Variants in HR observed in about 807,000 individuals in gnomAD.
HR encodes HR lysine demethylase and nuclear receptor corepressor.
In HR, 83 loss-of-function variants were observed where a neutral mutation model predicts 128.6. The observed-to-expected ratio is 0.65, with a 90% CI of 0.54 to 0.77. The LOEUF (loss-of-function observed/expected upper bound fraction) is 0.77. Ranked by LOEUF, HR falls within the 30% of genes least tolerant of loss-of-function variation. The probability of loss-of-function intolerance (pLI) is 0.00; values close to 1 mark genes in which losing one functional copy is unlikely to be tolerated. For synonymous variants in HR, 681 were observed against 658.2 expected (o/e 1.03, Z -0.53); for missense variants, 1,490 against 1,574.6 (o/e 0.95, Z 0.91).
chr8:22,126,166 C>A (rs1435817676), intron 3 of HR, among the ~76,000 whole-genome samples: 1 of 152,208 alleles, frequency 6.6e-6, no homozygotes, highest in Non-Finnish European at 1.5e-5. Flanking sequence ...TCGACACAGG[C>A]CACAGGTGCA....
intron 5 of HR, 78 bp downstream of exon 5, chr8:22,125,233 G>C: frequency 2.1e-6 from 3 of 1,447,780 alleles, no homozygotes; most frequent in South Asian, 2.5e-5. Context: ...GGAGCTGGCA[G>C]TGTGGGTGGG....
rs1826715179 is a variant in HR at position 22,120,516 on chromosome 8, G to A, written c.2611-9C>T. ...CCTGACACCAACACAGGCTGTGGTG[G>A]GAAAGGAAGGAGGCCATGAGGAGAA... On this transcript the variant is annotated splice_polypyrimidine_tract_variant and intron_variant, in intron 11 of 18. Coordinates refer to ENST00000381418, the MANE Select transcript of HR (RefSeq NM_005144.5). 6.2e-7 allele frequency: 1 copy of A among 1,613,556 alleles called. No individual in the cohort carries two copies. Among genetic ancestry groups the A allele is most frequent in the African/African-American group, 1.3e-5 (1 of 75,054 alleles).
chr8:22,120,341 C>T lies in HR; in HGVS notation c.2776+1G>A, dbSNP rs773764015. ...CTCTCCCCTGTGTTGGGGACACTTA[C>T]GCTCAGGCCAGGAGAAGCCCTCCCA... is the stretch of plus-strand genomic sequence containing the variant. On this transcript the variant is annotated splice_donor_variant, in intron 12 of 18. Coordinates refer to ENST00000381418, the MANE Select transcript of HR (RefSeq NM_005144.5). LOFTEE classifies it high-confidence loss of function. The T allele has an allele frequency of 1.2e-6, 2 of 1,613,664 alleles. No individual in the cohort carries two copies. Among genetic ancestry groups the T allele is most frequent in the African/African-American group, 1.3e-5 (1 of 74,924 alleles).
chr8:22,130,079 A>G (rs1827010964), intron 1 of HR, among the ~76,000 whole-genome samples: 1 of 152,164 alleles, frequency 6.6e-6, no homozygotes, highest in Non-Finnish European at 1.5e-5. Context: ...AGGCGGGGAA[A>G]GCGGGCTGGG....
intron 8 of HR, among the ~76,000 whole-genome samples, 174 bp downstream of exon 8, chr8:22,122,319 G>A (rs555966303): frequency 3.3e-5 from 5 of 152,232 alleles, no homozygotes; most frequent in African/African-American, 1.2e-4. Context: ...CATGGAGGTG[G>A]GAGGGGCCAG....
chr8:22,122,860 C>A lies in HR; in HGVS notation c.1935G>T (p.Ala645=). The change falls in exon 7 of 19, where the codon GCG becomes GCT. Residue 645 remains alanine (A), a synonymous_variant. Coordinates refer to ENST00000381418, the MANE Select transcript of HR (RefSeq NM_005144.5). ...REKAGFQEQS[A]EECTQEAGHA... The stretch of plus-strand genomic sequence containing the variant: ...GCCCGGCCTCCTGCGTGCACTCCTC[C>A]GCGGACTGCTCCTGAAAGCCTGTGG... 1 of 1,554,132 alleles carries A rather than the reference C, an allele frequency of 6.4e-7. No homozygotes were observed. The highest frequency in any genetic ancestry group is 1.7e-4 in the Middle Eastern group (1 of 5,932).
Position 22,119,061 on chromosome 8 carries a change from G to T in HR, c.3102C>A (p.Phe1034Leu). 6.2e-7 allele frequency: 1 copy of T among 1,613,432 alleles called. No homozygotes were observed. Among genetic ancestry groups the T allele is most frequent in the South Asian group, 1.1e-5 (1 of 91,084 alleles). ...LPAWHRAQKD[F>L]LSGLDGEGLW... ...GCCCCTCCCCGTCCAGGCCTGAAAG[G>T]AAGTCTGAGGAGGAAAGAGCGCTCA... is the stretch of plus-strand genomic sequence containing the variant. The change falls in exon 16 of 19, where the codon TTC (phenylalanine) becomes TTA (leucine). Residue 1034 changes from phenylalanine to leucine, a missense_variant. Physicochemically the swap from Phe to Leu is conservative, Grantham distance 22. Transcript: ENST00000381418.
rs1258509571 is a variant in HR, at chr8:22,127,688, C to G, written c.754G>C (p.Asp252His). The G allele has an allele frequency of 1.2e-6, 2 of 1,609,790 alleles. No individual in the cohort carries two copies. The highest frequency in any genetic ancestry group is 1.7e-6 in the Non-Finnish European group (2 of 1,179,858). ...EAERPSLHQR[D>H]GEMGAGRQQN... Reference sequence around the variant, plus strand: ...TGCCGGCCAGCTCCCATCTCTCCATCCCTCTGGTGCAGTGAAGGGCGTTCG... The same window carrying G: ...TGCCGGCCAGCTCCCATCTCTCCATGCCTCTGGTGCAGTGAAGGGCGTTCG... Residue 252 changes from aspartate (D) to histidine (H), a missense_variant, in exon 3 of 19, where the codon GAT (aspartate) becomes CAT (histidine). This residue lies in a region of HR where 1,060 missense variants were observed against 1,060.9 expected (regional missense o/e 1.00). Coordinates refer to ENST00000381418, the MANE Select transcript of HR (RefSeq NM_005144.5).
At chr8:22,120,285 C>T in intron 12 of HR, 57 bp downstream of exon 12, 1 of 1,613,116 alleles carries the variant, frequency 6.2e-7, no homozygotes, top group Non-Finnish European at 8.5e-7. Context: ...TCCTCTGCCA[C>T]CCGATCCCTA....
At chr8:22,118,772 G>A (rs1826655323) in intron 16 of HR, 178 bp downstream of exon 16, 3 of 616,306 alleles carry the variant, frequency 4.9e-6, no homozygotes, top group Non-Finnish European at 8.6e-6. Flanking sequence ...TGAGCCCCAC[G>A]GCAGAACTCC....
chr8:22,130,333 G>A (rs1827017723), intron 1 of HR, 95 bp downstream of exon 1: 1 of 152,296 alleles, frequency 6.6e-6, no homozygotes, highest in African/African-American at 2.4e-5. Flanking sequence ...CCAGCCCACA[G>A]GGGCACGGGG....
At chr8:22,121,571 C>G in intron 9 of HR, 42 bp downstream of exon 9, 1 of 1,603,702 alleles carries the variant, frequency 6.2e-7, no homozygotes, top group Non-Finnish European at 8.5e-7. Context: ...TCTGGCCCAG[C>G]CTCCCTCTTG....
intron 1 of HR, among the ~76,000 whole-genome samples, 167 bp from the exon 2 acceptor site, chr8:22,129,377 C>T (rs1826991906): frequency 6.6e-6 from 1 of 152,276 alleles, no homozygotes; most frequent in African/African-American, 2.4e-5. Flanking sequence ...TGCAGCCAGA[C>T]ACATCTTGCT....
rs1826582509 is a variant in HR, at chr8:22,116,241, C to T, written c.3507+59G>A. ...TCTGCTATGTCCACTGCAGCTGTGG[C>T]ACAGGGAGGTGGGAGGCTTGGGTAG... On this transcript the variant is annotated intron_variant, in intron 18 of 18. Transcript: ENST00000381418. The surrounding 1 kb of genome is among the most constrained non-coding windows in gnomAD (Gnocchi z 4.2). The T allele has an allele frequency of 1.2e-6, 2 of 1,609,898 alleles. No individual in the cohort carries two copies. Among genetic ancestry groups the T allele is most frequent in the African/African-American group, 1.3e-5 (1 of 74,768 alleles).
At chr8:22,128,092 G>T in intron 2 of HR, 1 of 586,088 alleles carries the variant, frequency 1.7e-6, no homozygotes, top group East Asian at 2.9e-5. Context: ...AAGGGCATCT[G>T]GGGTCTGTTT....
chr8:22,121,281 C>T, intron 9 of HR, 53 bp from the exon 10 acceptor site: 6 of 1,592,592 alleles, frequency 3.8e-6, no homozygotes, highest in Non-Finnish European at 5.1e-6. Context: ...TCCTCTTCCC[C>T]TCGAGGCCCT....
rs548158881 is a variant in HR at position 22,130,055 on chromosome 8, G to T, written c.-41+373C>A. The stretch of plus-strand genomic sequence containing the variant: ...GCTGGAAACTTCAGCCTGGCGGGGA[G>T]GGGAGAGGGAAGGAGGCGGGGAAAG... On this transcript the variant is annotated intron_variant, in intron 1 of 18. Coordinates refer to ENST00000381418, the MANE Select transcript of HR (RefSeq NM_005144.5). Among the ~76,000 whole-genome samples the T allele has an allele frequency of 7.9e-5, 12 of 152,356 alleles. No homozygotes were observed. In the East Asian group the frequency reaches 2.3e-3, roughly 29 times the overall value.
In HR at chr8:22,125,358, C is replaced by T. The variant is rs764994300; in HGVS notation, c.1703G>A (p.Arg568His). ...GGCCTCCCGCTCCCTCCGCAGCAGG[C>T]GGCACAGTCGGTCCCCCAAACCACT... Reference protein sequence around the residue: ...LLSGLGDRLCRLLRREREALA... With the variant: ...LLSGLGDRLCHLLRREREALA... Residue 568 changes from arginine (R) to histidine (H), a missense_variant, in exon 5 of 19, where the codon CGC becomes CAC. By Grantham distance (29) the Arg-to-His change is conservative. Transcript: ENST00000381418. The T allele has an allele frequency of 2.5e-6, 4 of 1,604,260 alleles. No individual in the cohort carries two copies. The highest frequency in any genetic ancestry group is 1.1e-5 in the South Asian group (1 of 89,108).
At chr8:22,123,621 G>T (rs567969146) in intron 6 of HR, 28 bp downstream of exon 6, 3 of 417,078 alleles carry the variant, frequency 7.2e-6, no homozygotes, top group South Asian at 4.3e-5. Context: ...GCTCCATCCC[G>T]CCCTCCCACC....
Sources: gnomAD v4.1 joint callset for allele counts (sites outside exome capture counted in the v4.1 genomes callset) on GRCh38, gnomAD v4.1.1 for gene constraint, gnomAD v4.1.1 regional missense constraint, Gnocchi (gnomAD v3.1) non-coding constraint, MANE v1.5 for transcripts, NCBI Gene and HGNC (gene_info 2026-07-23, HGNC 2026-07-21) for gene names.